Variants in ZNF536 observed in about 807,000 individuals in gnomAD.
ZNF536 encodes the protein zinc finger protein 536.
A neutral mutation model predicts 84.5 loss-of-function variants in ZNF536; 13 were observed. The ratio of observed to expected loss-of-function variants is 0.15; its 90% CI spans 0.10 to 0.24. ZNF536 has a LOEUF of 0.24. Ranked by LOEUF, ZNF536 falls within the 10% of genes least tolerant of loss-of-function variation. The pLI is 1.00. For synonymous variants in ZNF536, 811 were observed against 742.5 expected, an observed-to-expected ratio of 1.09 and a Z score of -1.50; for missense variants, 1,536 against 1,747.5, an observed-to-expected ratio of 0.88 and a Z score of 2.16.
chr19:30,240,995 C>A (rs2023902978), intron 1 of ZNF536, among the ~76,000 whole-genome samples: 2 of 152,110 alleles, frequency 1.3e-5, no homozygotes, highest in African/African-American at 4.8e-5. Flanking sequence ...CATGGAGCTT[C>A]CATTCTGGTG....
intron 1 of ZNF536, among the ~76,000 whole-genome samples, chr19:30,615,553 G>A (rs1385004814): frequency 6.6e-6 from 1 of 150,774 alleles, no homozygotes; most frequent in Non-Finnish European, 1.5e-5. Flanking sequence ...ATCTGGTCAG[G>A]CTTATTCTTT....
intron 2 of ZNF536, among the ~76,000 whole-genome samples, chr19:30,302,076 CTGTT>C (rs111236989): frequency 0.23 from 34,313 of 151,960 alleles, 4,738 homozygotes; most frequent in East Asian, 0.54. Context: ...TTTATAATCA[CTGTT>C]TGTATATAAT....
At chr19:30,244,644 C>T (rs2024147118) in intron 1 of ZNF536, among the ~76,000 whole-genome samples, 1 of 152,186 alleles carries the variant, frequency 6.6e-6, no homozygotes, top group South Asian at 2.1e-4. Context: ...CAAAGGCTTC[C>T]AGACCACTGC....
intron 2 of ZNF536, among the ~76,000 whole-genome samples, chr19:30,301,375 C>T (rs560164345): frequency 5.0e-4 from 76 of 152,284 alleles, no homozygotes; most frequent in African/African-American, 1.1e-3. Flanking sequence ...GCGATGCGGA[C>T]GCTGTTGCTT....
Position 30,508,553 on chromosome 19 carries a change from G to T in ZNF536, c.2171-26294G>T, listed in dbSNP as rs183636366. The stretch of plus-strand genomic sequence containing the variant: ...GGGCCATGAGACTGTGAGTCTTTGC[G>T]GCCCACAGAGAAGGCTGGAAGGCAG... On this transcript the variant is annotated intron_variant, in intron 2 of 4. Coordinates refer to ENST00000355537, the MANE Select transcript of ZNF536 (RefSeq NM_014717.3). Among the ~76,000 whole-genome samples the T allele has an allele frequency of 2.5e-4, 38 of 152,192 alleles. No individual in the cohort carries two copies. The East Asian group carries it at 3.7e-3, about 15-fold the overall frequency.
chr19:30,264,966 T>TGTGTGTGTGTGTGAGAGA (rs59889852), intron 1 of ZNF536, among the ~76,000 whole-genome samples: 13 of 133,860 alleles, frequency 9.7e-5, no homozygotes, highest in South Asian at 2.7e-4. Flanking sequence ...TGTGTGTGTG[T>TGTGTGTGTGTGTGAGAGA]GAGAGAGAGA....
intron 2 of ZNF536, among the ~76,000 whole-genome samples, chr19:30,342,028 G>A (rs549925157): frequency 6.6e-6 from 1 of 152,304 alleles, no homozygotes; most frequent in African/African-American, 2.4e-5. Context: ...CCTTGGAAAA[G>A]CCTGGAAACA....
intron 1 of ZNF536, among the ~76,000 whole-genome samples, chr19:30,677,067 T>C (rs1349364716): frequency 6.6e-6 from 1 of 152,218 alleles, no homozygotes; most frequent in Non-Finnish European, 1.5e-5. Context: ...TTTTCTACAA[T>C]TGAAGAAAGT....
chr19:30,397,506 A>G (rs1004696985), intron 1 of ZNF536, among the ~76,000 whole-genome samples: 1 of 152,232 alleles, frequency 6.6e-6, no homozygotes. Context: ...GGTGATGAGT[A>G]GACAAGATTC....
At chr19:30,266,691 C>T (rs1280260782) in intron 1 of ZNF536, among the ~76,000 whole-genome samples, 3 of 152,110 alleles carry the variant, frequency 2.0e-5, no homozygotes, top group Admixed American at 6.5e-5. Flanking sequence ...GAATTATTTA[C>T]GTAAACTTCA....
intron 1 of ZNF536, among the ~76,000 whole-genome samples, chr19:30,388,586 C>T (rs1408762197): frequency 6.6e-6 from 1 of 152,174 alleles, no homozygotes; most frequent in Non-Finnish European, 1.5e-5. Context: ...CTTGGCAGGG[C>T]TTCTTCAACT....
At chr19:30,310,517 T>A (rs1306074493) in intron 2 of ZNF536, among the ~76,000 whole-genome samples, 1 of 152,254 alleles carries the variant, frequency 6.6e-6, no homozygotes, top group Non-Finnish European at 1.5e-5. Context: ...CCACACATTC[T>A]TTCAGTGCCT....
At chr19:30,233,222 G>T (rs893482853) in intron 1 of ZNF536, among the ~76,000 whole-genome samples, 62 of 152,314 alleles carry the variant, frequency 4.1e-4, no homozygotes, top group African/African-American at 1.5e-3. Flanking sequence ...GGTTGGGGCG[G>T]GGGGAGAACC....
intron 1 of ZNF536, among the ~76,000 whole-genome samples, chr19:30,283,851 C>T (rs1034980234): frequency 6.6e-6 from 1 of 152,122 alleles, no homozygotes; most frequent in Admixed American, 6.5e-5. Context: ...GTGGCGATTT[C>T]CCACTGAAAA....
intron 2 of ZNF536, among the ~76,000 whole-genome samples, chr19:30,522,520 A>G (rs2044402656): frequency 6.6e-6 from 1 of 151,788 alleles, no homozygotes; most frequent in Non-Finnish European, 1.5e-5. Flanking sequence ...TCAATAAAAA[A>G]TGCATATTTA....
At chr19:30,596,936 T>C (rs974786794) in intron 1 of ZNF536, among the ~76,000 whole-genome samples, 1 of 152,160 alleles carries the variant, frequency 6.6e-6, no homozygotes, top group African/African-American at 2.4e-5. Context: ...TGATCTGACC[T>C]TTTCGGGGAG....
intron 1 of ZNF536, chr19:30,284,051 T>C (rs2045546628): frequency 1.3e-5 from 2 of 152,238 alleles, no homozygotes; most frequent in African/African-American, 4.8e-5. Context: ...TTACAGTTTC[T>C]AACAGGTCTT....
chr19:30,460,950 A>G (rs970048341), intron 2 of ZNF536, among the ~76,000 whole-genome samples: 2 of 152,164 alleles, frequency 1.3e-5, no homozygotes, highest in Non-Finnish European at 1.5e-5. Context: ...CCAGGTAGAA[A>G]CAAGATGCCT....
upstream of ZNF536, among the ~76,000 whole-genome samples, chr19:30,225,948 T>TG (rs2022587807): frequency 4.4e-5 from 2 of 45,846 alleles, no homozygotes; most frequent in African/African-American, 1.7e-4. Flanking sequence ...GGGTGGGGGG[T>TG]GGGGGGAAAG....
Sources: allele counts gnomAD v4.1 joint callset (sites outside exome capture counted in the v4.1 genomes callset), GRCh38; gene constraint gnomAD v4.1.1; transcripts MANE v1.5; gene names NCBI Gene and HGNC (gene_info 2026-07-23, HGNC 2026-07-21).